TRAPPC13: variants seen among roughly 807,000 people sequenced by gnomAD.
TRAPPC13 encodes REV7-interacting novel NHEJ regulator 1.
In TRAPPC13, 39 loss-of-function variants were observed where a neutral mutation model predicts 54.0. The ratio of observed to expected loss-of-function variants is 0.72; its 90% confidence interval spans 0.56 to 0.94. The LOEUF is 0.94. Among genes scored for constraint, TRAPPC13 ranks in the 40% least tolerant of loss-of-function variants. The pLI, the probability that TRAPPC13 is intolerant of heterozygous loss-of-function variation, is 0.00. For synonymous variants in TRAPPC13, 148 were observed against 167.7 expected, an observed-to-expected ratio of 0.88 and a Z score of 0.91; for missense variants, 386 against 488.1, an observed-to-expected ratio of 0.79 and a Z score of 1.97.
rs1201004556 is a variant in TRAPPC13 at position 65,630,174 on chromosome 5, A to T, written c.46+5068A>T. 3.9e-6 allele frequency: 6 copies of T among 1,535,924 alleles called. No homozygotes were observed. The African/African-American group carries it at 6.8e-5, about 18-fold the overall frequency. ...CTCAATCAAATTATTAGGCACAATG[A>T]ACTTCCATCTTGTAATGCTACAATT... is the stretch of plus-strand genomic sequence containing the variant. On this transcript the variant is annotated intron_variant, in intron 1 of 12. Transcript: ENST00000399438.
intron 4 of TRAPPC13, among the ~76,000 whole-genome samples, chr5:65,638,764 G>C (rs1333984740): frequency 2.0e-5 from 3 of 152,186 alleles, no homozygotes; most frequent in Non-Finnish European, 4.4e-5. Flanking sequence ...GAGAGAGCTT[G>C]TGCGGGGAAA....
Position 65,664,251 on chromosome 5 carries a change from A to G in TRAPPC13, c.1013A>G (p.Asp338Gly), listed in dbSNP as rs1756951777. ...TCCTCCAGCAGTGAAAGGACTATGG[A>G]TCTGGTTTTGGAAATGTGCAATACC... ...KITNCSERTM[D>G]LVLEMCNTNS... The change falls in exon 12 of 13, where the codon GAT becomes GGT. Residue 338 changes from aspartate to glycine, a missense_variant. Asp to Gly is a moderately conservative substitution (Grantham distance 94). Transcript: ENST00000399438. 4 of 1,613,666 alleles carry G rather than the reference A, an allele frequency of 2.5e-6. No homozygotes were observed. The highest frequency in any genetic ancestry group is 3.4e-6 in the Non-Finnish European group (4 of 1,179,800).
chr5:65,658,183 C>A (rs1756717868), intron 8 of TRAPPC13, 185 bp from the exon 9 acceptor site: 1 of 488,222 alleles, frequency 2.0e-6, no homozygotes, highest in Non-Finnish European at 3.5e-6. Context: ...CTTGACTTTG[C>A]CCCTGTTAAT....
chr5:65,651,852 T>TGTTTG lies in TRAPPC13; in HGVS notation c.502-649_502-648insGTTTG, dbSNP rs1756461983. On this transcript the variant is annotated intron_variant, in intron 6 of 12. Coordinates refer to ENST00000399438, the MANE Select transcript of TRAPPC13 (RefSeq NM_024941.4). ...ATAAAACGTGATTCAGTTTTTTTTT[T>TGTTTG]TTTTTTTTTTTTTTTTTTTTTTTTT... is the stretch of plus-strand genomic sequence containing the variant. 8.5e-4 allele frequency among the ~76,000 whole-genome samples: 22 copies of TGTTTG among 25,746 alleles called. 1 individual carries two copies. Among genetic ancestry groups the TGTTTG allele is most frequent in the African/African-American group, 3.9e-3 (21 of 5,372 alleles). The allele number at this position is 25,746 out of a possible 152,430, so 16.9% of individuals were successfully genotyped here.
chr5:65,641,322 G>A (rs1165776222), intron 4 of TRAPPC13, among the ~76,000 whole-genome samples: 2 of 152,160 alleles, frequency 1.3e-5, no homozygotes, highest in African/African-American at 4.8e-5. Flanking sequence ...TGTGAGTGTT[G>A]TCTTTTGATC....
intron 4 of TRAPPC13, among the ~76,000 whole-genome samples, chr5:65,638,578 A>AG (rs570990605): frequency 2.0e-4 from 31 of 152,338 alleles, no homozygotes; most frequent in African/African-American, 7.0e-4. Flanking sequence ...GGTGGTACAG[A>AG]GGAATAGTAG....
Position 65,658,359 on chromosome 5 carries a change from T to C in TRAPPC13, c.565-9T>C, listed in dbSNP as rs1183566912. Reference sequence around the variant, plus strand: ...CACACCTTGGTGGATATTTTTTTCATATCCTCAGACTGATGAAGTATTTCT... The same window carrying C: ...CACACCTTGGTGGATATTTTTTTCACATCCTCAGACTGATGAAGTATTTCT... On this transcript the variant is annotated splice_polypyrimidine_tract_variant and intron_variant, in intron 8 of 12. Coordinates refer to ENST00000399438, the MANE Select transcript of TRAPPC13 (RefSeq NM_024941.4). 1 of 1,583,770 alleles carries C rather than the reference T, an allele frequency of 6.3e-7. No homozygotes were observed. The highest frequency in any genetic ancestry group is 1.3e-5 in the African/African-American group (1 of 74,304).
At chr5:65,634,956 T>TA in intron 1 of TRAPPC13, 1 of 911,108 alleles carries the variant, frequency 1.1e-6, no homozygotes, top group Non-Finnish European at 1.3e-6. Context: ...TGATATTGTT[T>TA]ATGGTGAAAT....
chr5:65,633,514 C>T (rs1163948695), intron 1 of TRAPPC13, among the ~76,000 whole-genome samples: 1 of 152,010 alleles, frequency 6.6e-6, no homozygotes, highest in African/African-American at 2.4e-5. Flanking sequence ...GTGATCCGCC[C>T]GCCTCGGCCT....
chr5:65,651,842 G>GTTTTTTTTTTTTTTTTT lies in TRAPPC13; in HGVS notation c.502-637_502-621dup, dbSNP rs762929434. ...TTGAAAGAAAATAAAACGTGATTCAGTTTTTTTTTTTTTTTTTTTTTTTTT... is the reference window on the plus strand; with the variant it reads ...TTGAAAGAAAATAAAACGTGATTCAGTTTTTTTTTTTTTTTTTTTTTTTTTTTTTTTTTTTTTTTTTT... On this transcript the variant is annotated intron_variant, in intron 6 of 12. Transcript: ENST00000399438. 1.2e-4 allele frequency among the ~76,000 whole-genome samples: 5 copies of GTTTTTTTTTTTTTTTTT among 41,162 alleles called. 2 individuals are homozygous for GTTTTTTTTTTTTTTTTT. The highest frequency in any genetic ancestry group is 4.6e-4 in the African/African-American group (5 of 10,806). 27.0% of individuals were successfully genotyped at this position (41,162 alleles called of 152,430 possible). A position where few individuals can be genotyped will look rare whatever the true frequency, so the allele number is the denominator to read the frequency against.
chr5:65,658,547 A>G (rs17830886), intron 9 of TRAPPC13, 46 bp downstream of exon 9: 110,937 of 1,441,928 alleles, frequency 0.077, 4,616 homozygotes, highest in East Asian at 0.094. Flanking sequence ...TGAAAGATAC[A>G]TGTTTTTCTA....
chr5:65,631,451 G>A (rs1755539726), intron 1 of TRAPPC13, among the ~76,000 whole-genome samples: 1 of 152,088 alleles, frequency 6.6e-6, no homozygotes, highest in Non-Finnish European at 1.5e-5. Flanking sequence ...ACAGGGGTTT[G>A]GTGTACAAAT....
In TRAPPC13 at chr5:65,664,239, A is replaced by C; in HGVS notation, c.1001A>C (p.Glu334Ala). 6.2e-7 allele frequency: 1 copy of C among 1,613,302 alleles called. No individual in the cohort carries two copies. Among genetic ancestry groups the C allele is most frequent in the Admixed American group, 1.7e-5 (1 of 59,866 alleles). ...TATTATTCTGATTCCTCCAGCAGTG[A>C]AAGGACTATGGATCTGGTTTTGGAA... ...HITCKITNCSERTMDLVLEMC... is the reference protein window; with the variant it reads ...HITCKITNCSARTMDLVLEMC... The change falls in exon 12 of 13, where the codon GAA (glutamate) becomes GCA (alanine). Residue 334 changes from glutamate (E) to alanine (A), a missense_variant and splice_region_variant. By Grantham distance (107) the Glu-to-Ala change is moderately radical. Transcript: ENST00000399438.
At position 65,662,112 on chromosome 5, in the gene TRAPPC13, A is replaced by G; in HGVS notation, c.960A>G (p.Glu320=). 6.2e-7 allele frequency: 1 copy of G among 1,609,290 alleles called. No homozygotes were observed. The highest frequency in any genetic ancestry group is 8.5e-7 in the Non-Finnish European group (1 of 1,177,804). ...CAATACCAGATACCGTAAACCTTGA[A>G]GAACCTTTTCATATTACCTGTAAAA... ...LEAIPDTVNL[E]EPFHITCKIT... The change falls in exon 11 of 13, where the codon GAA becomes GAG. Residue 320 remains glutamate (E), a synonymous_variant. Coordinates refer to ENST00000399438, the MANE Select transcript of TRAPPC13 (RefSeq NM_024941.4).
Position 65,658,457 on chromosome 5 carries a change from G to C in TRAPPC13, c.654G>C (p.Met218Ile), listed in dbSNP as rs1424889507. The part of the protein sequence containing the change: ...MEKVSLEPSI[M>I]YNVTELNSVS... ...AGGTTTCACTGGAGCCATCTATTAT[G>C]TACAATGTAACAGAATTAAATTCAG... The change falls in exon 9 of 13, where the codon ATG becomes ATC. Residue 218 changes from methionine to isoleucine, a missense_variant. By Grantham distance (10) the Met-to-Ile change is conservative (BLOSUM62 1). Transcript: ENST00000399438. 11 of 1,587,428 alleles carry C rather than the reference G, an allele frequency of 6.9e-6. No homozygotes were observed. Among genetic ancestry groups the C allele is most frequent in the Non-Finnish European group, 8.6e-6 (10 of 1,165,062 alleles).
Position 65,636,015 on chromosome 5 carries a change from G to A in TRAPPC13, c.187G>A (p.Glu63Lys), listed in dbSNP as rs376180020. Residue 63 changes from glutamate (E) to lysine (K), a missense_variant, in exon 3 of 13, where the codon GAA becomes AAA. Physicochemically the swap from Glu to Lys is moderately conservative, Grantham distance 56 (BLOSUM62 1). Transcript: ENST00000399438. ...TGGTGCAGAAGTTTTAATGTTGGGA[G>A]AAATGCTGACTTTACCACAGAATTT... is the stretch of plus-strand genomic sequence containing the variant. ...VNGAEVLMLG[E>K]MLTLPQNFGN... The A allele has an allele frequency of 1.2e-5, 19 of 1,598,702 alleles. No homozygotes were observed. Among genetic ancestry groups the A allele is most frequent in the Non-Finnish European group, 1.6e-5 (19 of 1,171,766 alleles).
intron 9 of TRAPPC13, among the ~76,000 whole-genome samples, chr5:65,659,967 C>CAA (rs141876171): frequency 3.4e-3 from 323 of 95,178 alleles, no homozygotes; most frequent in East Asian, 4.8e-3. Flanking sequence ...GTATTTTAAA[C>CAA]AAAAAAAAAA....
Position 65,633,480 on chromosome 5 carries a change from C to T in TRAPPC13, c.47-1821C>T, listed in dbSNP as rs759191221. On this transcript the variant is annotated intron_variant, in intron 1 of 12. Transcript: ENST00000399438. ...TATTTTTAGTAGAGACGGAGTTTCACCGTGGTCTCGATCTCCTGACCTCGT... is the reference window on the plus strand; with the variant it reads ...TATTTTTAGTAGAGACGGAGTTTCATCGTGGTCTCGATCTCCTGACCTCGT... Among the ~76,000 whole-genome samples, 149 of 152,028 alleles carry T rather than the reference C, an allele frequency of 9.8e-4. 2 individuals are homozygous for T. The highest frequency in any genetic ancestry group is 3.4e-3 in the Middle Eastern group (1 of 294).
At chr5:65,662,945 G>T (rs1158482904) in intron 11 of TRAPPC13, 1 of 151,966 alleles carries the variant, frequency 6.6e-6, no homozygotes, top group Non-Finnish European at 1.5e-5. Flanking sequence ...TAGTTTTTTA[G>T]TGACACTCAT....
Sources: allele counts gnomAD v4.1 joint callset (sites outside exome capture counted in the v4.1 genomes callset), GRCh38; gene constraint gnomAD v4.1.1; transcripts MANE v1.5; gene names NCBI Gene and HGNC (gene_info 2026-07-23, HGNC 2026-07-21).